The following GALNT3 variants were observed in gnomAD, a reference collection of about 807,000 sequenced individuals.
GALNT3 encodes GalNAc transferase 3.
GALNT3 carries 51 observed loss-of-function variants against 69.8 expected under a neutral mutation model. The observed-to-expected ratio is 0.73, with a 90% confidence interval of 0.58 to 0.92. The LOEUF is 0.92. Among genes scored for constraint, GALNT3 ranks in the 40% least tolerant of loss-of-function variants. The probability of loss-of-function intolerance (pLI) is 0.00; values close to 1 mark genes in which losing one functional copy is unlikely to be tolerated. For missense variants in GALNT3, 711 were observed against 760.0 expected, an observed-to-expected ratio of 0.94 and a Z score of 0.76; for synonymous variants, 265 against 248.5, an observed-to-expected ratio of 1.07 and a Z score of -0.63.
chr2:165,772,175 G>A (rs1320853828), intron 1 of GALNT3, among the ~76,000 whole-genome samples: 1 of 152,150 alleles, frequency 6.6e-6, no homozygotes, highest in Non-Finnish European at 1.5e-5. Flanking sequence ...AAATGTTGTG[G>A]TAGGCTATGG....
At chr2:165,771,475 G>A (rs901885102) in intron 1 of GALNT3, 3 of 152,124 alleles carry the variant, frequency 2.0e-5, no homozygotes, top group African/African-American at 7.2e-5. Flanking sequence ...ATAGTAAAAA[G>A]AGAATTCATT....
chr2:165,776,592 T>G (rs548794893), intron 1 of GALNT3, among the ~76,000 whole-genome samples: 1 of 152,200 alleles, frequency 6.6e-6, no homozygotes, highest in South Asian at 2.1e-4. Flanking sequence ...AAATTCTAAA[T>G]TCTTATGAAT....
Position 165,752,972 on chromosome 2 carries a change from G to T in GALNT3, c.1626+1655C>A, listed in dbSNP as rs149391776. Among the ~76,000 whole-genome samples, 466 of 152,132 alleles carry T rather than the reference G, an allele frequency of 3.1e-3. 20 individuals are homozygous for T. The East Asian group carries it at 0.076, about 25-fold the overall frequency. ...GGTATAGATGTATGTCTGTCTATAT[G>T]CATCCATATATATCTCCATCCTATT... On this transcript the variant is annotated intron_variant, in intron 9 of 10. Transcript: ENST00000392701.
At position 165,749,842 on chromosome 2, in the gene GALNT3, A is replaced by T; in HGVS notation, c.1679T>A (p.Leu560Ter). The change falls in exon 10 of 11, where the codon TTA becomes TAA. Residue 560 changes from leucine to a stop codon, truncating the protein, a stop_gained. Coordinates refer to ENST00000392701, the MANE Select transcript of GALNT3 (RefSeq NM_004482.4). LOFTEE classifies it high-confidence loss of function. ...GAGACCTTGAGCAGCATGAAGACAT[A>T]ATTCCTTCTGGATGTTGTGCCGAAT... The part of the protein sequence containing the change: ...HEIRHNIQKE[L>*]CLHAAQGLVQ... 6.2e-7 allele frequency: 1 copy of T among 1,613,666 alleles called. No individual in the cohort carries two copies. The highest frequency in any genetic ancestry group is 8.5e-7 in the Non-Finnish European group (1 of 1,179,628).
chr2:165,775,785 G>C (rs1364369460), intron 1 of GALNT3, among the ~76,000 whole-genome samples: 3 of 152,174 alleles, frequency 2.0e-5, no homozygotes, highest in Non-Finnish European at 4.4e-5. Flanking sequence ...CAAGCAGCAA[G>C]GGTTAAGAAT....
chr2:165,761,617 GAA>G (rs71393694), intron 4 of GALNT3: 42 of 542,108 alleles, frequency 7.7e-5, no homozygotes, highest in South Asian at 9.0e-5. Context: ...AAGAAACATG[GAA>G]AAAAAAAAAA....
chr2:165,784,180 T>C (rs1559007304), intron 1 of GALNT3, among the ~76,000 whole-genome samples: 2 of 152,168 alleles, frequency 1.3e-5, no homozygotes, highest in Non-Finnish European at 2.9e-5. Context: ...ACACACTGGA[T>C]GCCAAGCTCC....
At chr2:165,788,988 G>A (rs1380562355) in intron 1 of GALNT3, among the ~76,000 whole-genome samples, 1 of 152,164 alleles carries the variant, frequency 6.6e-6, no homozygotes, top group African/African-American at 2.4e-5. Flanking sequence ...TGAGATACCA[G>A]GTAGGAGGCA....
chr2:165,786,396 T>C (rs1683220672), intron 1 of GALNT3, among the ~76,000 whole-genome samples: 1 of 152,208 alleles, frequency 6.6e-6, no homozygotes, highest in South Asian at 2.1e-4. Flanking sequence ...AAATGTACAG[T>C]CATGTCCTGG....
Position 165,758,867 on chromosome 2 carries a change from G to A in GALNT3, c.1074-3C>T, listed in dbSNP as rs893889843. On this transcript the variant is annotated splice_region_variant and splice_polypyrimidine_tract_variant and intron_variant, in intron 5 of 10. Coordinates refer to ENST00000392701, the MANE Select transcript of GALNT3 (RefSeq NM_004482.4). The stretch of plus-strand genomic sequence containing the variant: ...GTCCTCCTGCAAAAGTGGGTGTTCT[G>A]AAAAATAATCCATTGTCAAATTTTG... 7 of 1,537,472 alleles carry A rather than the reference G, an allele frequency of 4.6e-6. No homozygotes were observed. Among genetic ancestry groups the A allele is most frequent in the Middle Eastern group, 1.7e-4 (1 of 5,960 alleles).
chr2:165,759,575 A>C lies in GALNT3; in HGVS notation c.839-5T>G. 6.9e-6 allele frequency: 11 copies of C among 1,604,216 alleles called. No homozygotes were observed. Among genetic ancestry groups the C allele is most frequent in the Non-Finnish European group, 8.5e-6 (10 of 1,171,544 alleles). On this transcript the variant is annotated splice_polypyrimidine_tract_variant and splice_region_variant and intron_variant, in intron 4 of 10. Transcript: ENST00000392701. ...GCCAACCATAGAAACACTCACCTGGAGGGAACAGAATTTTAATTAATTCAA... is the reference window on the plus strand; with the variant it reads ...GCCAACCATAGAAACACTCACCTGGCGGGAACAGAATTTTAATTAATTCAA...
At chr2:165,757,441 A>C (rs1423837141) in intron 6 of GALNT3, among the ~76,000 whole-genome samples, 194 bp from the exon 7 acceptor site, 2 of 152,256 alleles carry the variant, frequency 1.3e-5, no homozygotes, top group African/African-American at 4.8e-5. Context: ...TGGCATAGAC[A>C]CTAAAGACAA....
At chr2:165,761,113 A>AT (rs1446491334) in intron 4 of GALNT3, among the ~76,000 whole-genome samples, 24 of 91,764 alleles carry the variant, frequency 2.6e-4, no homozygotes, top group East Asian at 3.5e-4. Context: ...GAGTCTGCAA[A>AT]TTTAAAAAAA....
chr2:165,777,862 T>C (rs937306803), intron 1 of GALNT3, among the ~76,000 whole-genome samples: 1 of 152,172 alleles, frequency 6.6e-6, no homozygotes, highest in African/African-American at 2.4e-5. Context: ...GCAATTGTTA[T>C]AAACTAAGAA....
intron 2 of GALNT3, 117 bp downstream of exon 2, chr2:165,770,069 T>C (rs1559001579): frequency 9.0e-7 from 1 of 1,109,876 alleles, no homozygotes; most frequent in South Asian, 1.3e-5. Flanking sequence ...AAATAAACAG[T>C]ATTTGCTGAT....
At position 165,757,158 on chromosome 2, in the gene GALNT3, T is replaced by G. The variant is rs1406511653; in HGVS notation, c.1281A>C (p.Lys427Asn). 1 of 1,613,958 alleles carries G rather than the reference T, an allele frequency of 6.2e-7. No homozygotes were observed. The highest frequency in any genetic ancestry group is 1.3e-5 in the African/African-American group (1 of 74,928). Reference sequence around the variant, plus strand: ...GGTTTCTAGCAATCACCTGAGTGCCTTTTGGAAAGCTATGAGGGCTTTTGC... The same window carrying G: ...GGTTTCTAGCAATCACCTGAGTGCCGTTTGGAAAGCTATGAGGGCTTTTGC... Reference protein sequence around the residue: ...FRSKSPHSFPKGTQVIARNQV... With the variant: ...FRSKSPHSFPNGTQVIARNQV... Residue 427 changes from lysine (K) to asparagine (N), a missense_variant, in exon 7 of 11, where the codon AAA becomes AAC. Transcript: ENST00000392701.
chr2:165,780,646 TTTGTTGTTGTTG>T (rs534952025), intron 1 of GALNT3, among the ~76,000 whole-genome samples: 6 of 101,768 alleles, frequency 5.9e-5, no homozygotes, highest in African/African-American at 1.8e-4. Flanking sequence ...GAGGGGTTTT[TTTGTTGTTGTTG>T]TTGTTGTTGT....
intron 1 of GALNT3, among the ~76,000 whole-genome samples, chr2:165,784,160 C>G (rs368050728): frequency 6.6e-6 from 1 of 152,120 alleles, no homozygotes; most frequent in East Asian, 1.9e-4. Context: ...CACAGTGAGG[C>G]CTACTAAACA....
chr2:165,748,927 C>T (rs747156754), intron 10 of GALNT3, 24 bp from the exon 11 acceptor site: 5 of 1,599,422 alleles, frequency 3.1e-6, no homozygotes, highest in Non-Finnish European at 4.3e-6. Flanking sequence ...AAACAACAGA[C>T]ATTAAATTCC....
Sources: gnomAD v4.1 joint callset for allele counts (sites outside exome capture counted in the v4.1 genomes callset) on GRCh38, gnomAD v4.1.1 for gene constraint, MANE v1.5 for transcripts, NCBI Gene and HGNC (gene_info 2026-07-23, HGNC 2026-07-21) for gene names.